Variants in UNC5B observed in about 807,000 individuals in gnomAD.
UNC5B encodes the protein unc-5 netrin receptor B.
Under a neutral mutation model 103.7 loss-of-function variants are expected in UNC5B, and 56 were observed. That is an observed-to-expected ratio of 0.54 (90% CI 0.44 to 0.67). The LOEUF is 0.67. Ranked by LOEUF, UNC5B falls within the 30% of genes least tolerant of loss-of-function variation. The pLI is 0.00. For synonymous variants in UNC5B, 577 were observed against 542.0 expected, an observed-to-expected ratio of 1.06 and a Z score of -0.90; for missense variants, 1,194 against 1,284.5, an observed-to-expected ratio of 0.93 and a Z score of 1.08.
intron 1 of UNC5B, among the ~76,000 whole-genome samples, chr10:71,248,028 A>G (rs1048703378): frequency 1.1e-4 from 16 of 152,030 alleles, no homozygotes; most frequent in African/African-American, 3.4e-4. Context: ...AGTGGACTCA[A>G]TTGCCCCCTT....
intron 1 of UNC5B, among the ~76,000 whole-genome samples, chr10:71,233,062 T>G (rs553387047): frequency 1.3e-5 from 2 of 152,330 alleles, no homozygotes; most frequent in East Asian, 3.9e-4. Flanking sequence ...GTATTTCTAC[T>G]TCCACAGCAC....
chr10:71,273,386 C>G (rs1323288726), intron 1 of UNC5B, among the ~76,000 whole-genome samples: 1 of 152,172 alleles, frequency 6.6e-6, no homozygotes, highest in Non-Finnish European at 1.5e-5. Flanking sequence ...GCTCTTGGGT[C>G]AGCCTGGGCC....
intron 1 of UNC5B, among the ~76,000 whole-genome samples, chr10:71,256,212 T>G (rs1418036803): frequency 6.6e-6 from 1 of 151,948 alleles, no homozygotes; most frequent in African/African-American, 2.4e-5. Context: ...ACCCCAGAGG[T>G]GAACAGGTGA....
chr10:71,289,393 C>T (rs1315609317), intron 8 of UNC5B, among the ~76,000 whole-genome samples: 1 of 152,188 alleles, frequency 6.6e-6, no homozygotes, highest in Non-Finnish European at 1.5e-5. Context: ...ATCACCACTC[C>T]AGTCCCCCCT....
rs567575437 is a variant in UNC5B, at chr10:71,218,486, C to CT, written c.79+5423dup. Among the ~76,000 whole-genome samples the CT allele has an allele frequency of 2.3e-3, 356 of 152,364 alleles. 1 individual carries two copies. The highest frequency in any genetic ancestry group is 8.0e-3 in the African/African-American group (333 of 41,582). ...GACCTCATTTTGCCCCACACCTGCA[C>CT]TGTGAGCAGGGTTTGGCCTGAGTGC... On this transcript the variant is annotated intron_variant, in intron 1 of 16. Transcript: ENST00000335350.
intron 1 of UNC5B, among the ~76,000 whole-genome samples, chr10:71,258,074 C>T (rs1844332065): frequency 6.6e-6 from 1 of 152,210 alleles, no homozygotes; most frequent in Non-Finnish European, 1.5e-5. Context: ...GGAGCTAAGG[C>T]ATTACTTATC....
rs769537318 is a variant in UNC5B, at chr10:71,292,498, T to G, written c.1716T>G (p.Ile572Met). ...GVSLLVPNGA[I>M]PQGKFYEMYL... is the part of the protein sequence containing the mutation. ...GCTTGCTGGTGCCCAATGGAGCCAT[T>G]CCCCAGGGCAAGTTCTACGAGATGT... The change falls in exon 11 of 17, where the codon ATT (isoleucine) becomes ATG (methionine). Residue 572 changes from isoleucine (I) to methionine (M), a missense_variant. Ile to Met is a conservative substitution (Grantham distance 10). Coordinates refer to ENST00000335350, the MANE Select transcript of UNC5B (RefSeq NM_170744.5). The G allele has an allele frequency of 6.2e-7, 1 of 1,605,310 alleles. No homozygotes were observed. The highest frequency in any genetic ancestry group is 1.7e-5 in the Admixed American group (1 of 58,900).
intron 1 of UNC5B, among the ~76,000 whole-genome samples, chr10:71,263,436 G>A (rs989054526): frequency 6.6e-6 from 1 of 152,178 alleles, no homozygotes; most frequent in Non-Finnish European, 1.5e-5. Context: ...GGGCACGGGG[G>A]AGGGGGCCAG....
intron 1 of UNC5B, among the ~76,000 whole-genome samples, chr10:71,228,627 A>T (rs561690590): frequency 3.3e-5 from 5 of 152,366 alleles, no homozygotes; most frequent in African/African-American, 1.2e-4. Context: ...TCAGAATTAG[A>T]TAAACACATA....
intron 2 of UNC5B, among the ~76,000 whole-genome samples, chr10:71,280,413 G>A (rs190256748): frequency 5.3e-4 from 81 of 152,264 alleles, no homozygotes; most frequent in Admixed American, 2.4e-3. Context: ...CAATGCAATC[G>A]TTATTTTTAC....
At chr10:71,289,823 G>A (rs1002255569) in intron 8 of UNC5B, among the ~76,000 whole-genome samples, 1 of 152,226 alleles carries the variant, frequency 6.6e-6, no homozygotes, top group African/African-American at 2.4e-5. Flanking sequence ...GAGATACAGG[G>A]GGACAGAAGT....
intron 1 of UNC5B, among the ~76,000 whole-genome samples, chr10:71,267,316 A>G (rs1490945541): frequency 6.6e-6 from 1 of 152,208 alleles, no homozygotes; most frequent in Non-Finnish European, 1.5e-5. Context: ...CAAGAAGCGC[A>G]TGGGATTATA....
chr10:71,288,470 G>C, intron 6 of UNC5B, 98 bp from the exon 7 acceptor site: 2 of 1,495,162 alleles, frequency 1.3e-6, no homozygotes, highest in Non-Finnish European at 1.8e-6. Flanking sequence ...TGGTGTGTAT[G>C]CATGCATGTG....
chr10:71,262,486 A>G (rs929263788), intron 1 of UNC5B, among the ~76,000 whole-genome samples: 2 of 152,102 alleles, frequency 1.3e-5, no homozygotes, highest in Non-Finnish European at 1.5e-5. Flanking sequence ...AATCCAGGCC[A>G]CTTCCTTGGG....
intron 15 of UNC5B, among the ~76,000 whole-genome samples, chr10:71,297,005 G>A (rs551321774): frequency 2.1e-5 from 3 of 143,286 alleles, no homozygotes; most frequent in African/African-American, 5.1e-5. Flanking sequence ...AGGGAAGGGC[G>A]GCCAGATATT....
intron 8 of UNC5B, 108 bp downstream of exon 8, chr10:71,289,098 AC>A: frequency 6.9e-7 from 1 of 1,448,812 alleles, no homozygotes; most frequent in Non-Finnish European, 9.6e-7. Context: ...GAAGGTGCCT[AC>A]CCACCCCCCA....
intron 1 of UNC5B, among the ~76,000 whole-genome samples, chr10:71,235,513 C>T (rs1290608046): frequency 2.6e-5 from 4 of 152,220 alleles, no homozygotes; most frequent in Admixed American, 6.5e-5. Context: ...GTCAGCGTTC[C>T]TCAGCCTTGG....
At chr10:71,291,194 C>G in intron 9 of UNC5B, 85 bp downstream of exon 9, 1 of 1,484,830 alleles carries the variant, frequency 6.7e-7, no homozygotes, top group Non-Finnish European at 9.1e-7. Flanking sequence ...AGCCAGGCTC[C>G]TGACTCCCTC....
chr10:71,222,726 C>T (rs1248347026), intron 1 of UNC5B, among the ~76,000 whole-genome samples: 1 of 152,180 alleles, frequency 6.6e-6, no homozygotes, highest in Non-Finnish European at 1.5e-5. Flanking sequence ...TGCCCTGACC[C>T]AGGAGGCATC....
Sources: allele counts gnomAD v4.1 joint callset (sites outside exome capture counted in the v4.1 genomes callset), GRCh38; gene constraint gnomAD v4.1.1; transcripts MANE v1.5; gene names NCBI Gene and HGNC (gene_info 2026-07-23, HGNC 2026-07-21).